Variants in NOS1AP observed in about 807,000 individuals in gnomAD.
NOS1AP encodes the protein carboxyl-terminal PDZ ligand of neuronal nitric oxide synthase protein.
A neutral mutation model predicts 56.2 loss-of-function variants in NOS1AP; 21 were observed. The ratio of observed to expected loss-of-function variants is 0.37; its 90% CI spans 0.26 to 0.54. The LOEUF (loss-of-function observed/expected upper bound fraction) is 0.54. Among genes scored for constraint, NOS1AP ranks in the 20% least tolerant of loss-of-function variants. NOS1AP has a pLI of 0.84. For missense variants in NOS1AP, 522 were observed against 657.8 expected, an observed-to-expected ratio of 0.79 and a Z score of 2.26; for synonymous variants, 270 against 274.6, an observed-to-expected ratio of 0.98 and a Z score of 0.17.
chr1:162,093,163 G>T (rs1273877851), intron 1 of NOS1AP, among the ~76,000 whole-genome samples: 2 of 152,196 alleles, frequency 1.3e-5, no homozygotes, highest in East Asian at 3.8e-4. Flanking sequence ...CTGCCTCTCA[G>T]TGCTGGTTCT....
At chr1:162,207,816 T>A (rs537112761) in intron 2 of NOS1AP, among the ~76,000 whole-genome samples, 1 of 152,374 alleles carries the variant, frequency 6.6e-6, no homozygotes, top group Non-Finnish European at 1.5e-5. Context: ...CTGCTTGTGA[T>A]TGTGAATGAC....
rs1692322054 is a variant in NOS1AP, at chr1:162,099,237, C to CA, written c.105+28956dup. Among the ~76,000 whole-genome samples, 5 of 150,030 alleles carry CA rather than the reference C, an allele frequency of 3.3e-5. No homozygotes were observed. In the South Asian group the frequency reaches 1.1e-3, roughly 32 times the overall value. On this transcript the variant is annotated intron_variant, in intron 1 of 9. Transcript: ENST00000361897. ...GATGGAGTCTCGCTCTGCCAGGCTG[C>CA]AGTGCAGTGGCACGACCTCGGCTCA... is the stretch of plus-strand genomic sequence containing the variant.
At chr1:162,117,182 G>C (rs1415635894) in intron 1 of NOS1AP, among the ~76,000 whole-genome samples, 1 of 152,172 alleles carries the variant, frequency 6.6e-6, no homozygotes, top group Non-Finnish European at 1.5e-5. Context: ...GGGGACAGGA[G>C]CTCATTTTAT....
Position 162,097,238 on chromosome 1 carries a change from C to T in NOS1AP, c.105+26956C>T, listed in dbSNP as rs187829543. On this transcript the variant is annotated intron_variant, in intron 1 of 9. Transcript: ENST00000361897. The stretch of plus-strand genomic sequence containing the variant: ...CGATTGCCTCTTCATATCTCTTGCC[C>T]ATTTTTAAGCTGAGTTCTTTTGTCT... Among the ~76,000 whole-genome samples, 183 of 152,134 alleles carry T rather than the reference C, an allele frequency of 1.2e-3. 4 individuals carry two copies. Among genetic ancestry groups the T allele is most frequent in the Admixed American group, 0.011 (169 of 15,274 alleles).
At chr1:162,364,335 A>T (rs1226452915) in intron 8 of NOS1AP, 2 of 985,340 alleles carry the variant, frequency 2.0e-6, no homozygotes, top group Non-Finnish European at 2.4e-6. Context: ...AAAATTCATT[A>T]GTTCCCTTTC....
At chr1:162,364,075 A>G (rs2101828983) in intron 8 of NOS1AP, 1 of 985,454 alleles carries the variant, frequency 1.0e-6, no homozygotes, top group Non-Finnish European at 1.2e-6. Context: ...AAGGGTGGCC[A>G]ACTGTGAGGT....
chr1:162,241,823 A>G (rs147540463), intron 2 of NOS1AP, among the ~76,000 whole-genome samples: 16 of 152,342 alleles, frequency 1.1e-4, no homozygotes, highest in Non-Finnish European at 1.8e-4. Context: ...ATTCACACTG[A>G]AACTCTGTGA....
At chr1:162,253,933 A>G (rs76102872) in intron 2 of NOS1AP, among the ~76,000 whole-genome samples, 10,011 of 152,194 alleles carry the variant, frequency 0.066, 435 homozygotes, top group African/African-American at 0.12. Context: ...TACTATCTTG[A>G]GGAGATAATG....
chr1:162,122,051 T>C (rs1031866917), intron 1 of NOS1AP, among the ~76,000 whole-genome samples: 3 of 152,250 alleles, frequency 2.0e-5, no homozygotes, highest in African/African-American at 7.2e-5. Flanking sequence ...AATGACCTCT[T>C]GTTACAAGAC....
At chr1:162,201,808 CT>C (rs1341376297) in intron 2 of NOS1AP, among the ~76,000 whole-genome samples, 5 of 152,010 alleles carry the variant, frequency 3.3e-5, no homozygotes, top group African/African-American at 4.8e-5. Context: ...TTTGTTTTTT[CT>C]CTTGTAAATT....
chr1:162,299,119 A>G (rs917997327), intron 3 of NOS1AP, among the ~76,000 whole-genome samples: 2 of 152,246 alleles, frequency 1.3e-5, no homozygotes, highest in African/African-American at 4.8e-5. Flanking sequence ...TACAATATGC[A>G]TGCAGATATT....
At chr1:162,328,389 T>C (rs1656661778) in intron 4 of NOS1AP, among the ~76,000 whole-genome samples, 1 of 152,164 alleles carries the variant, frequency 6.6e-6, no homozygotes, top group Admixed American at 6.5e-5. Flanking sequence ...AAGGAGTAAA[T>C]ATAAACATGA....
chr1:162,089,824 C>T (rs548537336), intron 1 of NOS1AP, among the ~76,000 whole-genome samples: 2 of 152,264 alleles, frequency 1.3e-5, no homozygotes, highest in African/African-American at 4.8e-5. Context: ...CTCTGGAGGC[C>T]GTGCAGCCTG....
chr1:162,347,437 G>C (rs1008698224), intron 6 of NOS1AP, among the ~76,000 whole-genome samples: 6 of 152,204 alleles, frequency 3.9e-5, no homozygotes, highest in Non-Finnish European at 8.8e-5. Context: ...TTGAATGTTT[G>C]AACACTGTTA....
chr1:162,166,501 T>G (rs879925837), intron 2 of NOS1AP, among the ~76,000 whole-genome samples: 1 of 152,190 alleles, frequency 6.6e-6, no homozygotes, highest in Non-Finnish European at 1.5e-5. Flanking sequence ...CAGCCCAACT[T>G]CTGCTTATCT....
chr1:162,293,556 C>G (rs988144396), intron 3 of NOS1AP, among the ~76,000 whole-genome samples: 2 of 152,184 alleles, frequency 1.3e-5, no homozygotes, highest in African/African-American at 4.8e-5. Flanking sequence ...GATAAAGTGG[C>G]TGTGAATTTC....
chr1:162,297,833 C>T (rs999987105), intron 3 of NOS1AP, among the ~76,000 whole-genome samples: 6 of 152,170 alleles, frequency 3.9e-5, no homozygotes, highest in African/African-American at 1.4e-4. Flanking sequence ...ATAAAATCAA[C>T]ATCAGAAGAT....
At chr1:162,238,837 A>G (rs1292699532) in intron 2 of NOS1AP, among the ~76,000 whole-genome samples, 2 of 152,254 alleles carry the variant, frequency 1.3e-5, no homozygotes, top group Non-Finnish European at 2.9e-5. Flanking sequence ...TTGGAGGGAA[A>G]GTAAAAATCT....
At chr1:162,210,510 A>G (rs530099235) in intron 2 of NOS1AP, among the ~76,000 whole-genome samples, 2 of 152,230 alleles carry the variant, frequency 1.3e-5, no homozygotes, top group Admixed American at 1.3e-4. Context: ...CAGGCCCATG[A>G]CTGTCATATC....
Sources: gnomAD v4.1 joint callset for allele counts (sites outside exome capture counted in the v4.1 genomes callset) on GRCh38, gnomAD v4.1.1 for gene constraint, MANE v1.5 for transcripts, NCBI Gene and HGNC (gene_info 2026-07-23, HGNC 2026-07-21) for gene names.